The following FOXN3 variants were observed in gnomAD, a reference collection of about 807,000 sequenced individuals.
FOXN3 encodes the protein forkhead box protein N3.
FOXN3 carries 7 observed loss-of-function variants against 38.4 expected under a neutral mutation model. That is an observed-to-expected ratio of 0.18 (90% CI 0.10 to 0.34). The LOEUF (loss-of-function observed/expected upper bound fraction) is 0.34, where lower values mean the gene tolerates loss of function less well. Ranked by LOEUF, FOXN3 falls within the 10% of genes least tolerant of loss-of-function variation. FOXN3 has a pLI of 1.00. For missense variants in FOXN3, 456 were observed against 613.4 expected, an observed-to-expected ratio of 0.74 and a Z score of 2.71; for synonymous variants, 230 against 242.2, an observed-to-expected ratio of 0.95 and a Z score of 0.47.
rs928102332 is a variant in FOXN3, at chr14:89,253,465, C to T, written c.745+27485G>A. Among the ~76,000 whole-genome samples, 4 of 151,992 alleles carry T rather than the reference C, an allele frequency of 2.6e-5. No individual in the cohort carries two copies. In the South Asian group the frequency reaches 6.2e-4, roughly 24 times the overall value. ...GATGCTGCCCACGTGGGAGATCAAA[C>T]GGCTCTTTCCCAACAAATAGACTGG... is the stretch of plus-strand genomic sequence containing the variant. On this transcript the variant is annotated intron_variant, in intron 4 of 5. Coordinates refer to ENST00000557258, the MANE Select transcript of FOXN3 (RefSeq NM_005197.4).
At chr14:89,379,145 C>T (rs777510633) in intron 2 of FOXN3, among the ~76,000 whole-genome samples, 51 of 152,142 alleles carry the variant, frequency 3.4e-4, no homozygotes, top group Non-Finnish European at 6.3e-4. Context: ...TAAACTCAGA[C>T]GGGAAGAGCT....
chr14:89,520,933 A>G (rs890117634), intron 1 of FOXN3, among the ~76,000 whole-genome samples: 2 of 152,326 alleles, frequency 1.3e-5, no homozygotes, highest in African/African-American at 2.4e-5. Flanking sequence ...ATGATGTAAA[A>G]TATGCTCATC....
chr14:89,276,065 TCAAAAGTTCGAGACCAGCCTGGCCAA>T (rs1232418281), intron 4 of FOXN3, among the ~76,000 whole-genome samples: 1 of 152,086 alleles, frequency 6.6e-6, no homozygotes, highest in Non-Finnish European at 1.5e-5. Flanking sequence ...TCACATGAGA[TCAAAAGTTCGAGACCAGCCTGGCCAA>T]CACAGCAAAT....
intron 1 of FOXN3, among the ~76,000 whole-genome samples, chr14:89,550,873 G>C (rs1025397850): frequency 6.6e-6 from 1 of 152,130 alleles, no homozygotes; most frequent in Non-Finnish European, 1.5e-5. Flanking sequence ...ATTGTAAGAC[G>C]GAGAGAGCGA....
At position 89,228,754 on chromosome 14, in the gene FOXN3, C is replaced by T. The variant is rs147944035; in HGVS notation, c.746-47948G>A. 2.0e-3 allele frequency among the ~76,000 whole-genome samples: 309 copies of T among 152,204 alleles called. 3 individuals carry two copies. The highest frequency in any genetic ancestry group is 6.3e-3 in the African/African-American group (260 of 41,524). On this transcript the variant is annotated intron_variant, in intron 4 of 5. Transcript: ENST00000557258. ...TTCCTGACAGAGGACTTGTTCAGAA[C>T]GAATATAACACCTGGAATAAACTGA...
At position 89,474,833 on chromosome 14, in the gene FOXN3, T is replaced by C. The variant is rs115922365; in HGVS notation, c.-14-62343A>G. On this transcript the variant is annotated intron_variant, in intron 1 of 6. Coordinates refer to the FOXN3 transcript ENST00000345097. The stretch of plus-strand genomic sequence containing the variant: ...TTTATTTATTATTATTATTTTTTCT[T>C]GAGATGCCGTCTTGCTCTATCACCC... Among the ~76,000 whole-genome samples the C allele has an allele frequency of 4.5e-3, 678 of 152,266 alleles. 3 individuals carry two copies. Among genetic ancestry groups the C allele is most frequent in the African/African-American group, 0.016 (645 of 41,532 alleles).
chr14:89,574,415 G>T (rs1895557811), intron 1 of FOXN3, among the ~76,000 whole-genome samples: 1 of 152,166 alleles, frequency 6.6e-6, no homozygotes, highest in Non-Finnish European at 1.5e-5. Flanking sequence ...GGTGATAATG[G>T]CCTGGCAGGG....
chr14:89,485,044 C>G lies in FOXN3; in HGVS notation c.-14-72554G>C, dbSNP rs139530943. On this transcript the variant is annotated intron_variant, in intron 1 of 6. Transcript: ENST00000345097. The stretch of plus-strand genomic sequence containing the variant: ...GTGGACGTCTGTAGCCCCAGCTACT[C>G]AGGAGGCTGAGGCAGGAGAACAGCT... Among the ~76,000 whole-genome samples the G allele has an allele frequency of 1.1e-4, 17 of 151,168 alleles. No homozygotes were observed. The East Asian group carries it at 3.3e-3, about 30-fold the overall frequency.
intron 1 of FOXN3, among the ~76,000 whole-genome samples, chr14:89,578,842 T>C (rs1433256698): frequency 6.6e-6 from 1 of 152,088 alleles, no homozygotes; most frequent in African/African-American, 2.4e-5. Flanking sequence ...GTAGCCAGAA[T>C]GATTTTTTTG....
intron 4 of FOXN3, among the ~76,000 whole-genome samples, chr14:89,263,412 C>A (rs533561480): frequency 1.1e-4 from 16 of 150,754 alleles, no homozygotes; most frequent in African/African-American, 3.9e-4. Flanking sequence ...GTAATCTTTG[C>A]CAGCTGGAAT....
At chr14:89,229,871 T>G (rs1884756130) in intron 4 of FOXN3, among the ~76,000 whole-genome samples, 1 of 152,228 alleles carries the variant, frequency 6.6e-6, no homozygotes, top group Admixed American at 6.5e-5. Flanking sequence ...GGGCCAGCCC[T>G]GCAGGTACAG....
intron 3 of FOXN3, among the ~76,000 whole-genome samples, chr14:89,347,314 G>A (rs534869398): frequency 2.6e-5 from 4 of 152,320 alleles, no homozygotes; most frequent in Admixed American, 6.5e-5. Flanking sequence ...TGGAGAAAAC[G>A]AATGCCAAGT....
In FOXN3 at chr14:89,335,573, G is replaced by C. The variant is rs149172625; in HGVS notation, c.680+15099C>G. ...CTTGGGTCAACCAGAAATCAGCCAG[G>C]CATTTTTGGAAGAATCTTCACTGCT... On this transcript the variant is annotated intron_variant, in intron 3 of 5. Coordinates refer to ENST00000557258, the MANE Select transcript of FOXN3 (RefSeq NM_005197.4). 1.2e-3 allele frequency among the ~76,000 whole-genome samples: 185 copies of C among 152,290 alleles called. 1 individual carries two copies. The highest frequency in any genetic ancestry group is 4.3e-3 in the African/African-American group (177 of 41,554).
chr14:89,226,979 A>C (rs911927940), intron 4 of FOXN3, among the ~76,000 whole-genome samples: 5 of 152,234 alleles, frequency 3.3e-5, no homozygotes, highest in Non-Finnish European at 7.3e-5. Context: ...CTGTGAGACA[A>C]TAAATCTCTG....
intron 1 of FOXN3, among the ~76,000 whole-genome samples, chr14:89,520,181 A>G (rs1284408579): frequency 6.6e-6 from 1 of 151,224 alleles, no homozygotes; most frequent in Non-Finnish European, 1.5e-5. Flanking sequence ...GTCCAGTGAC[A>G]TTTTGAACTT....
rs77430493 is a variant in FOXN3, at chr14:89,208,064, A to T, written c.746-27258T>A. Among the ~76,000 whole-genome samples the T allele has an allele frequency of 7.2e-5, 11 of 152,314 alleles. No individual in the cohort carries two copies. The East Asian group carries it at 2.1e-3, about 29-fold the overall frequency. On this transcript the variant is annotated intron_variant, in intron 4 of 5. Coordinates refer to ENST00000557258, the MANE Select transcript of FOXN3 (RefSeq NM_005197.4). The stretch of plus-strand genomic sequence containing the variant: ...TCTGACCCCTGCAGGCAATTAACTG[A>T]TACTTTCAGGCAGGGAGTGCCATTA...
chr14:89,406,012 A>G (rs1387760101), intron 2 of FOXN3, among the ~76,000 whole-genome samples: 1 of 152,002 alleles, frequency 6.6e-6, no homozygotes. Context: ...CTAAAAATAT[A>G]TTATTTCTGG....
At chr14:89,450,683 T>C (rs1004501768) in intron 1 of FOXN3, among the ~76,000 whole-genome samples, 2 of 151,838 alleles carry the variant, frequency 1.3e-5, no homozygotes, top group Non-Finnish European at 2.9e-5. Context: ...CCTCCAGGGT[T>C]CCAGTGATTT....
At chr14:89,583,047 T>C (rs1051480251) in intron 1 of FOXN3, among the ~76,000 whole-genome samples, 5 of 152,248 alleles carry the variant, frequency 3.3e-5, no homozygotes, top group Admixed American at 2.6e-4. Flanking sequence ...TTTGGTGTTA[T>C]TGTAAATAAA....
Sources: allele counts gnomAD v4.1 joint callset (sites outside exome capture counted in the v4.1 genomes callset), GRCh38; gene constraint gnomAD v4.1.1; transcripts MANE v1.5; gene names NCBI Gene and HGNC (gene_info 2026-07-23, HGNC 2026-07-21).